Variants in KLF12 observed in about 807,000 individuals in gnomAD.
KLF12 encodes Krueppel-like factor 12.
Under a neutral mutation model 37.8 loss-of-function variants are expected in KLF12, and 9 were observed. The ratio of observed to expected loss-of-function variants is 0.24; its 90% CI spans 0.14 to 0.42. The LOEUF (loss-of-function observed/expected upper bound fraction) is 0.42, where lower values mean the gene tolerates loss of function less well. Among genes scored for constraint, KLF12 ranks in the 10% least tolerant of loss-of-function variants. The pLI is 1.00. For missense variants in KLF12, 411 were observed against 516.0 expected (o/e 0.80, Z 1.97); for synonymous variants, 208 against 202.1 (o/e 1.03, Z -0.25).
chr13:74,279,351 T>C, the KLF12 span, among the ~76,000 whole-genome samples: 4 of 152,158 alleles, frequency 2.6e-5, no homozygotes, highest in South Asian at 6.2e-4. Flanking sequence ...ACATTCTGAC[T>C]TCTATGACTT....
the KLF12 span, among the ~76,000 whole-genome samples, chr13:74,301,450 G>A: frequency 5.9e-5 from 9 of 152,278 alleles, 1 homozygote; most frequent in East Asian, 1.7e-3. Flanking sequence ...CTTCAGATAA[G>A]AGCCACATGG....
chr13:73,996,122 G>A (rs12385848), intron 1 of KLF12, among the ~76,000 whole-genome samples: 11,259 of 152,124 alleles, frequency 0.074, 626 homozygotes, highest in African/African-American at 0.16. Context: ...GAAGGAAACT[G>A]GCCTTTAATT....
intron 3 of KLF12, among the ~76,000 whole-genome samples, chr13:73,882,375 C>T (rs1679328619): frequency 6.6e-6 from 1 of 152,028 alleles, no homozygotes; most frequent in Non-Finnish European, 1.5e-5. Context: ...AAGAGACAGA[C>T]GTGGAATATA....
At chr13:73,980,079 G>T (rs1191606844) in intron 2 of KLF12, among the ~76,000 whole-genome samples, 5 of 152,150 alleles carry the variant, frequency 3.3e-5, no homozygotes, top group Admixed American at 3.3e-4. Flanking sequence ...AATTTCGGTT[G>T]TTTAAGTCAT....
At chr13:73,732,263 T>G (rs996942480) in intron 6 of KLF12, among the ~76,000 whole-genome samples, 16 of 151,806 alleles carry the variant, frequency 1.1e-4, no homozygotes, top group African/African-American at 3.6e-4. Flanking sequence ...TTTTTTTTTG[T>G]ATTTTTAGTA....
At chr13:74,057,901 T>TA (rs1320384885) in intron 1 of KLF12, among the ~76,000 whole-genome samples, 2 of 150,832 alleles carry the variant, frequency 1.3e-5, no homozygotes, top group Non-Finnish European at 2.9e-5. Context: ...AAAACAGAGA[T>TA]AGAGACTTGG....
chr13:73,978,885 C>T (rs930481698), intron 2 of KLF12, among the ~76,000 whole-genome samples: 1 of 152,172 alleles, frequency 6.6e-6, no homozygotes, highest in Admixed American at 6.5e-5. Context: ...AACTTACATA[C>T]ATATTGCTAA....
intron 3 of KLF12, among the ~76,000 whole-genome samples, chr13:73,919,156 A>G (rs1279024471): frequency 6.6e-6 from 1 of 152,198 alleles, no homozygotes; most frequent in Non-Finnish European, 1.5e-5. Flanking sequence ...TATTTTTAGG[A>G]AATCTTGAAG....
At chr13:74,227,373 G>T in the KLF12 span, among the ~76,000 whole-genome samples, 1 of 152,124 alleles carries the variant, frequency 6.6e-6, no homozygotes, top group Admixed American at 6.6e-5. Flanking sequence ...TGGAGAAAAG[G>T]CCTGTCTTGT....
chr13:74,190,272 C>G, the KLF12 span, among the ~76,000 whole-genome samples: 1 of 152,076 alleles, frequency 6.6e-6, no homozygotes. Context: ...GTGAAAAACA[C>G]TATCTTAGTA....
intron 4 of KLF12, among the ~76,000 whole-genome samples, chr13:73,814,491 T>C (rs1335841615): frequency 6.6e-6 from 1 of 152,200 alleles, no homozygotes; most frequent in Non-Finnish European, 1.5e-5. Flanking sequence ...GGTTTCAACA[T>C]ATTTCATCAC....
Position 74,058,710 on chromosome 13 carries a change from T to C in KLF12, c.-31-63657A>G, listed in dbSNP as rs183562173. ...AAATGCATAGCCATACACAGCAGAG[T>C]GTAAAAGAAGGAAAGACATTTTAAA... is the stretch of plus-strand genomic sequence containing the variant. On this transcript the variant is annotated intron_variant, in intron 1 of 7. Coordinates refer to ENST00000377669, the MANE Select transcript of KLF12 (RefSeq NM_007249.5). 3.0e-3 allele frequency among the ~76,000 whole-genome samples: 454 copies of C among 152,018 alleles called. 3 individuals are homozygous for C. The highest frequency in any genetic ancestry group is 9.6e-3 in the African/African-American group (396 of 41,434).
At chr13:73,879,579 AG>A (rs1886881450) in intron 3 of KLF12, among the ~76,000 whole-genome samples, 1 of 152,268 alleles carries the variant, frequency 6.6e-6, no homozygotes, top group Admixed American at 6.5e-5. Context: ...AATGTCCTGA[AG>A]ACAAGGGGAG....
chr13:73,887,609 T>A (rs2138997610), intron 3 of KLF12, among the ~76,000 whole-genome samples: 1 of 152,330 alleles, frequency 6.6e-6, no homozygotes, highest in African/African-American at 2.4e-5. Context: ...TAAACCTCTT[T>A]TCTTTATATT....
At chr13:74,161,690 A>G in the KLF12 span, among the ~76,000 whole-genome samples, 1 of 152,162 alleles carries the variant, frequency 6.6e-6, no homozygotes, top group Non-Finnish European at 1.5e-5. Flanking sequence ...CTAATATATA[A>G]CCCATAGTCC....
the KLF12 span, among the ~76,000 whole-genome samples, chr13:74,226,576 G>T: frequency 1.3e-5 from 2 of 152,056 alleles, no homozygotes; most frequent in African/African-American, 4.8e-5. Context: ...CATTATAGAA[G>T]CTATGGCCTT....
intron 1 of KLF12, among the ~76,000 whole-genome samples, chr13:74,035,280 A>C (rs888606107): frequency 6.6e-6 from 1 of 152,216 alleles, no homozygotes; most frequent in Admixed American, 6.5e-5. Flanking sequence ...TGCTACATAC[A>C]TAGTTGTGCT....
At position 73,995,069 on chromosome 13, in the gene KLF12, A is replaced by C. The variant is rs1247018281; in HGVS notation, c.-31-16T>G. 1.3e-6 allele frequency: 2 copies of C among 1,563,692 alleles called. No homozygotes were observed. ...CACATTGATCCTGCAAGAAAAACAC[A>C]AAGACAAATGATGAGAGAAAGTTCT... On this transcript the variant is annotated splice_polypyrimidine_tract_variant and intron_variant, in intron 1 of 7. Coordinates refer to ENST00000377669, the MANE Select transcript of KLF12 (RefSeq NM_007249.5).
intron 7 of KLF12, among the ~76,000 whole-genome samples, chr13:73,711,386 AG>A (rs1405597278): frequency 6.6e-6 from 1 of 152,226 alleles, no homozygotes; most frequent in Non-Finnish European, 1.5e-5. Context: ...GTCAATGCCT[AG>A]CTTTAAAGCT....
Sources: gnomAD v4.1 joint callset for allele counts (sites outside exome capture counted in the v4.1 genomes callset) on GRCh38, gnomAD v4.1.1 for gene constraint, MANE v1.5 for transcripts, NCBI Gene and HGNC (gene_info 2026-07-23, HGNC 2026-07-21) for gene names.